The following KCNIP4 variants were observed in gnomAD, a reference collection of about 807,000 sequenced individuals.
The protein encoded by KCNIP4 is Kv channel-interacting protein 4.
A neutral mutation model predicts 34.0 loss-of-function variants in KCNIP4; 12 were observed. The observed-to-expected ratio is 0.35, with a 90% CI of 0.23 to 0.57. The LOEUF is 0.57. Ranked by LOEUF, KCNIP4 falls within the 20% of genes least tolerant of loss-of-function variation. KCNIP4 has a pLI of 0.83. For missense variants in KCNIP4, 238 were observed against 311.7 expected, an observed-to-expected ratio of 0.76 and a Z score of 1.78; for synonymous variants, 124 against 102.2, an observed-to-expected ratio of 1.21 and a Z score of -1.29.
chr4:20,918,558 T>G (rs1056706683), intron 1 of KCNIP4, among the ~76,000 whole-genome samples: 51 of 152,270 alleles, frequency 3.3e-4, no homozygotes, highest in Middle Eastern at 3.4e-3. Context: ...TTCTCCTTGC[T>G]CTCTCAACAC....
At chr4:21,628,687 A>T (rs1245285303) in intron 1 of KCNIP4, among the ~76,000 whole-genome samples, 1 of 152,122 alleles carries the variant, frequency 6.6e-6, no homozygotes, top group East Asian at 1.9e-4. Context: ...ATGTGATCCT[A>T]TGTTGTCTGT....
At position 21,146,907 on chromosome 4, in the gene KCNIP4, C is replaced by T. The variant is rs149068913; in HGVS notation, c.62-264198G>A. 6.3e-3 allele frequency among the ~76,000 whole-genome samples: 955 copies of T among 152,016 alleles called. 7 individuals are homozygous for T. The highest frequency in any genetic ancestry group is 0.021 in the African/African-American group (870 of 41,450). ...TTCTCATGGTTACTGAGTGGTACATCGCTGTATATACATATTTATATAAGT... is the reference window on the plus strand; with the variant it reads ...TTCTCATGGTTACTGAGTGGTACATTGCTGTATATACATATTTATATAAGT... On this transcript the variant is annotated intron_variant, in intron 1 of 8. Transcript: ENST00000382152.
At chr4:20,889,750 A>C (rs542698471) in intron 1 of KCNIP4, among the ~76,000 whole-genome samples, 281 of 148,690 alleles carry the variant, frequency 1.9e-3, no homozygotes, top group African/African-American at 6.8e-3. Context: ...ATGTTTAAAA[A>C]ATAAAAACTG....
At chr4:21,137,249 A>C (rs1224318499) in intron 1 of KCNIP4, among the ~76,000 whole-genome samples, 2 of 152,140 alleles carry the variant, frequency 1.3e-5, no homozygotes, top group African/African-American at 4.8e-5. Flanking sequence ...TATCACACAG[A>C]GCAAATGACA....
intron 1 of KCNIP4, among the ~76,000 whole-genome samples, chr4:21,015,677 G>C (rs1431450689): frequency 1.4e-5 from 1 of 72,302 alleles, no homozygotes; most frequent in Non-Finnish European, 2.5e-5. Flanking sequence ...ATATAATATA[G>C]TATATTGCAT....
At chr4:20,963,961 A>G (rs1456678251) in intron 1 of KCNIP4, among the ~76,000 whole-genome samples, 2 of 152,186 alleles carry the variant, frequency 1.3e-5, no homozygotes, top group Non-Finnish European at 2.9e-5. Flanking sequence ...TAGATGTGGC[A>G]AAAGTGTGGT....
At chr4:21,226,287 G>C (rs1758387282) in intron 1 of KCNIP4, among the ~76,000 whole-genome samples, 1 of 135,956 alleles carries the variant, frequency 7.4e-6, no homozygotes, top group Non-Finnish European at 1.6e-5. Context: ...GACAGAGAGA[G>C]AGAGAAAGGG....
chr4:21,942,015 C>A (rs909211827), intron 1 of KCNIP4, among the ~76,000 whole-genome samples: 1 of 152,132 alleles, frequency 6.6e-6, no homozygotes, highest in Non-Finnish European at 1.5e-5. Context: ...GGAGATACAG[C>A]CACAGCAATG....
chr4:21,212,792 A>G (rs939127439), intron 1 of KCNIP4, among the ~76,000 whole-genome samples: 1 of 152,156 alleles, frequency 6.6e-6, no homozygotes, highest in East Asian at 1.9e-4. Context: ...CATCTCCCAA[A>G]GTCTCGACTC....
At chr4:21,157,506 G>A (rs1408244639) in intron 1 of KCNIP4, among the ~76,000 whole-genome samples, 1 of 151,916 alleles carries the variant, frequency 6.6e-6, no homozygotes, top group Non-Finnish European at 1.5e-5. Flanking sequence ...GGAAACACTG[G>A]CCATTAGGTA....
intron 4 of KCNIP4, 87 bp from the exon 5 acceptor site, chr4:20,749,819 C>A: frequency 1.2e-6 from 1 of 808,856 alleles, no homozygotes. Context: ...TCCTTTGATC[C>A]AGAAGAATTA....
chr4:20,765,138 G>C (rs947195425), intron 3 of KCNIP4, among the ~76,000 whole-genome samples: 2 of 152,146 alleles, frequency 1.3e-5, no homozygotes, highest in Non-Finnish European at 2.9e-5. Context: ...ACTATTCTGG[G>C]CACTGGAGAT....
intron 1 of KCNIP4, among the ~76,000 whole-genome samples, chr4:21,615,565 CA>C (rs11443447): frequency 6.9e-6 from 1 of 145,544 alleles, no homozygotes; most frequent in African/African-American, 2.5e-5. Flanking sequence ...AAAAACAAAA[CA>C]AAAAAAAACA....
rs10008283 is a variant in KCNIP4 at position 21,438,898 on chromosome 4, C to G, written c.61+509673G>C. ...AGAGAAAGGACGGGGCGTGGTGGCT[C>G]ACGCCTGTAATCCCAGCACTTTGGG... On this transcript the variant is annotated intron_variant, in intron 1 of 8. Transcript: ENST00000382152. Among the ~76,000 whole-genome samples, 814 of 152,208 alleles carry G rather than the reference C, an allele frequency of 5.3e-3. 8 individuals carry two copies. Among genetic ancestry groups the G allele is most frequent in the African/African-American group, 0.019 (770 of 41,556 alleles).
At chr4:21,073,071 A>T (rs1289976194) in intron 1 of KCNIP4, among the ~76,000 whole-genome samples, 1 of 152,204 alleles carries the variant, frequency 6.6e-6, no homozygotes, top group Non-Finnish European at 1.5e-5. Flanking sequence ...GTTTGAAGTC[A>T]GGTAGCATGA....
chr4:21,890,260 A>G (rs901861205), intron 1 of KCNIP4, among the ~76,000 whole-genome samples: 10 of 152,164 alleles, frequency 6.6e-5, no homozygotes, highest in African/African-American at 2.2e-4. Context: ...GACCAGAGGC[A>G]GACTTAAGAA....
chr4:21,125,365 C>G (rs557031277), intron 1 of KCNIP4, among the ~76,000 whole-genome samples: 13 of 151,610 alleles, frequency 8.6e-5, no homozygotes, highest in Admixed American at 1.3e-4. Context: ...TAGAGGTGCC[C>G]GCCACCATGC....
At chr4:20,995,204 C>T (rs1479982063) in intron 1 of KCNIP4, among the ~76,000 whole-genome samples, 1 of 152,142 alleles carries the variant, frequency 6.6e-6, no homozygotes, top group Non-Finnish European at 1.5e-5. Context: ...CATTCTGGCT[C>T]CATGCCAATT....
chr4:21,243,149 T>G (rs1759977805), intron 1 of KCNIP4, among the ~76,000 whole-genome samples: 2 of 152,180 alleles, frequency 1.3e-5, no homozygotes, highest in African/African-American at 4.8e-5. Context: ...CAGTAGCTGA[T>G]ATTTCTCTCA....
Sources: gnomAD v4.1 joint callset for allele counts (sites outside exome capture counted in the v4.1 genomes callset) on GRCh38, gnomAD v4.1.1 for gene constraint, MANE v1.5 for transcripts, NCBI Gene and HGNC (gene_info 2026-07-23, HGNC 2026-07-21) for gene names.